SNX29: variants seen among roughly 807,000 people sequenced by gnomAD.
SNX29 encodes the protein sorting nexin 29.
A neutral mutation model predicts 102.1 loss-of-function variants in SNX29; 78 were observed. That is an observed-to-expected ratio of 0.76 (90% confidence interval 0.64 to 0.92). The LOEUF (loss-of-function observed/expected upper bound fraction) is 0.92. Ranked by LOEUF, SNX29 falls within the 40% of genes least tolerant of loss-of-function variation. The probability of loss-of-function intolerance (pLI) is 0.00; values close to 1 mark genes in which losing one functional copy is unlikely to be tolerated. For missense variants in SNX29, 1,280 were observed against 1,061.7 expected, an observed-to-expected ratio of 1.21 and a Z score of -2.86; for synonymous variants, 580 against 414.5, an observed-to-expected ratio of 1.40 and a Z score of -4.85.
chr16:12,505,332 A>G (rs1285544332), intron 19 of SNX29, among the ~76,000 whole-genome samples: 2 of 152,180 alleles, frequency 1.3e-5, no homozygotes, highest in African/African-American at 4.8e-5. Context: ...TAAAGGTGCT[A>G]GCATATTCGG....
intron 13 of SNX29, among the ~76,000 whole-genome samples, chr16:12,171,848 A>G (rs962127501): frequency 6.6e-6 from 1 of 152,092 alleles, no homozygotes. Flanking sequence ...TTGGTAGAAG[A>G]CCTAGTTTTG....
intron 19 of SNX29, among the ~76,000 whole-genome samples, chr16:12,499,104 T>A (rs2088979101): frequency 6.6e-6 from 1 of 152,080 alleles, no homozygotes; most frequent in Non-Finnish European, 1.5e-5. Flanking sequence ...GCTCATTCCC[T>A]CCTCCTGCAG....
chr16:12,488,478 G>A (rs2088366634), intron 19 of SNX29, among the ~76,000 whole-genome samples: 1 of 152,170 alleles, frequency 6.6e-6, no homozygotes, highest in South Asian at 2.1e-4. Flanking sequence ...CATAGAATTA[G>A]AGGGCAGAGC....
chr16:12,053,416 C>G (rs1048132089), intron 8 of SNX29: 5 of 151,972 alleles, frequency 3.3e-5, no homozygotes, highest in African/African-American at 4.8e-5. Flanking sequence ...AAAATGAGGC[C>G]AGGTGCAGTG....
intron 19 of SNX29, among the ~76,000 whole-genome samples, chr16:12,516,547 C>G (rs1010947136): frequency 6.6e-6 from 1 of 151,552 alleles, no homozygotes; most frequent in Non-Finnish European, 1.5e-5. Flanking sequence ...TGCTGGAGTC[C>G]TTAGTAGTCT....
At chr16:12,429,913 A>G (rs572532332) in intron 18 of SNX29, among the ~76,000 whole-genome samples, 1 of 152,328 alleles carries the variant, frequency 6.6e-6, no homozygotes, top group East Asian at 1.9e-4. Flanking sequence ...CTCTCTGACC[A>G]CAGGCAGCTT....
intron 14 of SNX29, among the ~76,000 whole-genome samples, chr16:12,235,258 G>C (rs2077891570): frequency 6.6e-6 from 1 of 152,062 alleles, no homozygotes; most frequent in South Asian, 2.1e-4. Context: ...AAACTATTGA[G>C]TTCCCCTTCA....
intron 13 of SNX29, among the ~76,000 whole-genome samples, chr16:12,174,324 G>T (rs955357373): frequency 2.0e-5 from 3 of 152,206 alleles, no homozygotes; most frequent in Non-Finnish European, 4.4e-5. Flanking sequence ...AAGAGAGCAG[G>T]TGGTGGGTAC....
chr16:12,563,612 C>G (rs1176927126), intron 20 of SNX29, among the ~76,000 whole-genome samples: 2 of 139,438 alleles, frequency 1.4e-5, no homozygotes, highest in East Asian at 2.4e-4. Context: ...CACCACATCT[C>G]ACAGACGAGA....
chr16:12,477,667 C>G, intron 18 of SNX29, 52 bp from the exon 19 acceptor site: 1 of 1,593,602 alleles, frequency 6.3e-7, no homozygotes, highest in Non-Finnish European at 8.5e-7. Context: ...CGAAATCCTA[C>G]TCCTTTATAA....
intron 20 of SNX29, among the ~76,000 whole-genome samples, chr16:12,551,224 C>G (rs1417795333): frequency 6.7e-6 from 1 of 148,356 alleles, no homozygotes; most frequent in African/African-American, 2.6e-5. Flanking sequence ...CTCAGATTTG[C>G]CATCTTCTGA....
At chr16:12,496,961 G>A (rs1041809296) in intron 19 of SNX29, among the ~76,000 whole-genome samples, 3 of 152,212 alleles carry the variant, frequency 2.0e-5, no homozygotes, top group African/African-American at 7.2e-5. Flanking sequence ...TTGATGTCCA[G>A]GTGCTCCTGC....
rs377052845 is a variant in SNX29, at chr16:12,505,322, T to C, written c.2179-19380T>C. Among the ~76,000 whole-genome samples the C allele has an allele frequency of 2.0e-5, 3 of 152,280 alleles. No individual in the cohort carries two copies. The East Asian group carries it at 5.8e-4, about 29-fold the overall frequency. On this transcript the variant is annotated intron_variant, in intron 19 of 20. Transcript: ENST00000566228. ...CTTCTGGAGACTGGGAATTCCAAGA[T>C]AAAGGTGCTAGCATATTCGGTGTCT...
intron 13 of SNX29, 147 bp downstream of exon 13, chr16:12,129,905 C>G (rs964459424): frequency 4.1e-6 from 4 of 971,162 alleles, no homozygotes; most frequent in Non-Finnish European, 5.8e-6. Context: ...GAGATCGAGA[C>G]CATCCTGGCT....
rs543684186 is a variant in SNX29 at position 12,098,638 on chromosome 16, C to T, written c.1402+19723C>T. ...ACCCTCCCCTCTCCTCCTCTTTTGC[C>T]TGGGTCGTGCTTATTCATCCTGTAA... On this transcript the variant is annotated intron_variant, in intron 11 of 20. Transcript: ENST00000566228. The surrounding 1 kb of genome is among the most constrained non-coding windows in gnomAD (Gnocchi z 6.0). 2.6e-5 allele frequency among the ~76,000 whole-genome samples: 4 copies of T among 152,238 alleles called. No homozygotes were observed. Among genetic ancestry groups the T allele is most frequent in the Non-Finnish European group, 5.9e-5 (4 of 68,044 alleles).
chr16:12,316,457 T>G (rs529881771), intron 15 of SNX29, among the ~76,000 whole-genome samples: 1 of 152,230 alleles, frequency 6.6e-6, no homozygotes, highest in Admixed American at 6.5e-5. Flanking sequence ...GCAAGAGAAT[T>G]GCTTGAATCC....
rs114756325 is a variant in SNX29 at position 12,356,148 on chromosome 16, G to A, written c.1783-15G>A. 5.8e-4 allele frequency: 931 copies of A among 1,608,172 alleles called. 8 individuals carry two copies. In the African/African-American group the frequency reaches 0.011, roughly 19 times the overall value. On this transcript the variant is annotated splice_polypyrimidine_tract_variant and intron_variant, in intron 15 of 20. Coordinates refer to ENST00000566228, the MANE Select transcript of SNX29 (RefSeq NM_032167.5). ...GTCTGCCTCTAAGCCTCACCTTTCC[G>A]TGCTTGTGTTCCAGGTGGCAGAGAT...
intron 11 of SNX29, among the ~76,000 whole-genome samples, chr16:12,120,015 T>C (rs1461821810): frequency 6.6e-6 from 1 of 152,060 alleles, no homozygotes; most frequent in Non-Finnish European, 1.5e-5. Context: ...TCTTAACAAA[T>C]TGAAAAGAAT....
At chr16:12,010,305 A>G (rs2056602985) in intron 3 of SNX29, among the ~76,000 whole-genome samples, 1 of 152,196 alleles carries the variant, frequency 6.6e-6, no homozygotes, top group Non-Finnish European at 1.5e-5. Flanking sequence ...AGTTGGCTTC[A>G]GGTATTCATC....
Sources: gnomAD v4.1 joint callset for allele counts (sites outside exome capture counted in the v4.1 genomes callset) on GRCh38, gnomAD v4.1.1 for gene constraint, Gnocchi (gnomAD v3.1) non-coding constraint, MANE v1.5 for transcripts, NCBI Gene and HGNC (gene_info 2026-07-23, HGNC 2026-07-21) for gene names.